ZNF814: variants seen among roughly 807,000 people sequenced by gnomAD.
ZNF814 encodes zinc finger protein 814.
A neutral mutation model predicts 7.5 loss-of-function variants in ZNF814; 5 were observed. That is an observed-to-expected ratio of 0.67 (90% CI 0.35 to 1.40). ZNF814 has a LOEUF of 1.40. Among genes scored for constraint, ZNF814 ranks in the 40% most tolerant of loss-of-function variants. ZNF814 has a pLI of 0.04. For missense variants in ZNF814, 962 were observed against 1,018.0 expected (o/e 0.94, Z 0.75); for synonymous variants, 315 against 340.7 (o/e 0.92, Z 0.83).
chr19:57,890,221 A>T (rs1268039762), upstream of ZNF814, among the ~76,000 whole-genome samples: 2 of 152,240 alleles, frequency 1.3e-5, no homozygotes, highest in African/African-American at 4.8e-5. Context: ...ATTTATCAGG[A>T]CAGGGAAATT....
In ZNF814 at chr19:57,872,693, C is replaced by A; in HGVS notation, c.*129G>T. Reference sequence around the variant, plus strand: ...ACCAGTGTGAACTCTCTTATGAACACAGAATGCAGAGCTGTGGGTAGATGA... The same window carrying A: ...ACCAGTGTGAACTCTCTTATGAACAAAGAATGCAGAGCTGTGGGTAGATGA... On this transcript the variant is annotated 3_prime_UTR_variant, in exon 3 of 3. Coordinates refer to ENST00000435989, the MANE Select transcript of ZNF814 (RefSeq NM_001144989.2). 1 of 1,595,756 alleles carries A rather than the reference C, an allele frequency of 6.3e-7. No individual in the cohort carries two copies. Among genetic ancestry groups the A allele is most frequent in the Non-Finnish European group, 8.5e-7 (1 of 1,169,626 alleles).
intron 1 of ZNF814, among the ~76,000 whole-genome samples, chr19:57,886,712 C>G (rs2071696738): frequency 1.3e-5 from 2 of 152,048 alleles, no homozygotes; most frequent in African/African-American, 4.8e-5. Flanking sequence ...AACCCCATCT[C>G]TACTAAAAAT....
At chr19:57,895,032 G>A in the ZNF814 span, among the ~76,000 whole-genome samples, 8 of 152,084 alleles carry the variant, frequency 5.3e-5, no homozygotes, top group Admixed American at 3.9e-4. Flanking sequence ...GTTAAATGAA[G>A]TCCCCTGAAA....
chr19:57,871,526 A>G lies in ZNF814; in HGVS notation c.*1296T>C, dbSNP rs937764402. ...TGACAACAACCCTCAAGATTGAAGAAGGCTGAAACAATAAGGCCTTCATAA... is the reference window on the plus strand; with the variant it reads ...TGACAACAACCCTCAAGATTGAAGAGGGCTGAAACAATAAGGCCTTCATAA... On this transcript the variant is annotated 3_prime_UTR_variant, in exon 3 of 3. Transcript: ENST00000435989. 1 of 152,210 alleles carries G rather than the reference A, an allele frequency of 6.6e-6. No individual in the cohort carries two copies. The highest frequency in any genetic ancestry group is 1.5e-5 in the Non-Finnish European group (1 of 68,034). 9.4% of individuals were successfully genotyped at this position (152,210 alleles called of 1,614,324 possible).
chr19:57,876,778 TACCA>T (rs2122436928), intron 2 of ZNF814, 134 bp downstream of exon 2: 2 of 1,450,624 alleles, frequency 1.4e-6, no homozygotes, highest in South Asian at 2.8e-5. Flanking sequence ...ACCTCAGACC[TACCA>T]ACCAAGAACC....
At chr19:57,903,468 C>A in the ZNF814 span, among the ~76,000 whole-genome samples, 2 of 152,156 alleles carry the variant, frequency 1.3e-5, no homozygotes, top group African/African-American at 4.8e-5. Context: ...GACTGGAATA[C>A]ATCCGATTTT....
intron 1 of ZNF814, among the ~76,000 whole-genome samples, chr19:57,877,892 C>T (rs13343787): frequency 6.6e-6 from 1 of 151,806 alleles, no homozygotes; most frequent in Non-Finnish European, 1.5e-5. Flanking sequence ...GAGCCAGGCG[C>T]GGTGGCTCAC....
Position 57,870,467 on chromosome 19 carries a change from C to T in ZNF814, c.*2355G>A, listed in dbSNP as rs2071548175. The T allele has an allele frequency of 6.6e-6, 1 of 152,146 alleles. No homozygotes were observed. Among genetic ancestry groups the T allele is most frequent in the Non-Finnish European group, 1.5e-5 (1 of 68,038 alleles). 9.4% of individuals were successfully genotyped at this position (152,146 alleles called of 1,614,324 possible). On this transcript the variant is annotated 3_prime_UTR_variant, in exon 3 of 3. Transcript: ENST00000435989. ...TGGTCACAAAGGCCACATCACTGAA[C>T]TGAGATCTCCCTTCTCCCTATCATC...
intron 1 of ZNF814, among the ~76,000 whole-genome samples, chr19:57,885,087 C>T (rs12327691): frequency 0.034 from 5,196 of 151,650 alleles, 287 homozygotes; most frequent in African/African-American, 0.12. Flanking sequence ...TTTGGGAGGA[C>T]GAGGCCGGTG....
the ZNF814 span, among the ~76,000 whole-genome samples, chr19:57,901,031 G>A: frequency 6.7e-6 from 1 of 150,192 alleles, no homozygotes; most frequent in Non-Finnish European, 1.5e-5. Context: ...TGTATTTTTA[G>A]TAGAGACGGG....
chr19:57,889,411 C>T (rs1465139121), upstream of ZNF814, among the ~76,000 whole-genome samples: 1 of 152,038 alleles, frequency 6.6e-6, no homozygotes, highest in Non-Finnish European at 1.5e-5. Flanking sequence ...GGAGTGTGGT[C>T]GGGCGGGCCT....
At chr19:57,890,363 T>C (rs2071728302), upstream of ZNF814, among the ~76,000 whole-genome samples, 1 of 152,110 alleles carries the variant, frequency 6.6e-6, no homozygotes, top group South Asian at 2.1e-4. Context: ...GTTTATTTGT[T>C]TGTTTGTTTT....
the ZNF814 span, among the ~76,000 whole-genome samples, chr19:57,903,571 TGTAAAA>T: frequency 4.6e-5 from 7 of 152,284 alleles, no homozygotes; most frequent in Admixed American, 1.3e-4. Context: ...CCCTTGATAT[TGTAAAA>T]GTAAAAGAGC....
chr19:57,893,067 G>A (rs1474166108), upstream of ZNF814, among the ~76,000 whole-genome samples: 1 of 152,066 alleles, frequency 6.6e-6, no homozygotes, highest in Non-Finnish European at 1.5e-5. Flanking sequence ...CCAAGGGTGT[G>A]GTGCAGCCAG....
In ZNF814 at chr19:57,873,919, G is replaced by C. The variant is rs750418092; in HGVS notation, c.1471C>G (p.Pro491Ala). 3.7e-6 allele frequency: 6 copies of C among 1,613,732 alleles called. No individual in the cohort carries two copies. The South Asian group carries it at 6.6e-5, about 18-fold the overall frequency. Residue 491 changes from proline to alanine, a missense_variant, in exon 3 of 3, where the codon CCT becomes GCT. Pro to Ala is a conservative substitution (Grantham distance 27). This residue lies in a region of ZNF814 where 665 missense variants were observed against 551.4 expected (regional missense o/e 1.21). Coordinates refer to ENST00000435989, the MANE Select transcript of ZNF814 (RefSeq NM_001144989.2). ...HHQRVHSGER[P>A]YQCGECGKSF... is the part of the protein sequence containing the mutation. Reference sequence around the variant, plus strand: ...TTCCCACATTCTCCACACTGATAAGGTCTTTCTCCACTGTGAACTCGCTGA... The same window carrying C: ...TTCCCACATTCTCCACACTGATAAGCTCTTTCTCCACTGTGAACTCGCTGA...
chr19:57,890,703 T>C (rs144249546), upstream of ZNF814, among the ~76,000 whole-genome samples: 20 of 152,174 alleles, frequency 1.3e-4, no homozygotes, highest in African/African-American at 4.6e-4. Flanking sequence ...GGTGATACCA[T>C]CCCTAGGAAC....
In ZNF814 at chr19:57,873,159, T is replaced by C. The variant is rs763084717; in HGVS notation, c.2231A>G (p.Tyr744Cys). Residue 744 changes from tyrosine (Y) to cysteine (C), a missense_variant, in exon 3 of 3, where the codon TAT becomes TGT. Around this residue, in one of 7 missense-constraint regions of ZNF814, gnomAD observed 665 missense variants for 551.4 expected, o/e 1.21. Coordinates refer to ENST00000435989, the MANE Select transcript of ZNF814 (RefSeq NM_001144989.2). The part of the protein sequence containing the change: ...HQRVHTGERP[Y>C]ECNDCGKSFT... Reference sequence around the variant, plus strand: ...TGATTTTCCACAATCATTGCATTCATAAGGCCTTTCTCCAGTGTGAACTCT... The same window carrying C: ...TGATTTTCCACAATCATTGCATTCACAAGGCCTTTCTCCAGTGTGAACTCT... The C allele has an allele frequency of 6.2e-7, 1 of 1,613,870 alleles. No homozygotes were observed. Among genetic ancestry groups the C allele is most frequent in the South Asian group, 1.1e-5 (1 of 91,000 alleles).
chr19:57,877,386 G>A (rs73937059), intron 1 of ZNF814, among the ~76,000 whole-genome samples: 41 of 152,004 alleles, frequency 2.7e-4, no homozygotes, highest in Admixed American at 7.2e-4. Flanking sequence ...CCATCCCCAG[G>A]TGACTGCCAC....
At chr19:57,886,978 G>A (rs559379314) in intron 1 of ZNF814, among the ~76,000 whole-genome samples, 101 of 151,646 alleles carry the variant, frequency 6.7e-4, no homozygotes, top group Non-Finnish European at 1.4e-3. Context: ...AGTTGAAGTC[G>A]GGAGTTTGAG....
Sources: gnomAD v4.1 joint callset for allele counts (sites outside exome capture counted in the v4.1 genomes callset) on GRCh38, gnomAD v4.1.1 for gene constraint, gnomAD v4.1.1 regional missense constraint, MANE v1.5 for transcripts, NCBI Gene and HGNC (gene_info 2026-07-23, HGNC 2026-07-21) for gene names.